TENM1: variants seen among roughly 807,000 people sequenced by gnomAD.
TENM1 encodes the protein teneurin-1.
In TENM1, 35 loss-of-function variants were observed where a neutral mutation model predicts 174.8. That is an observed-to-expected ratio of 0.20 (90% CI 0.15 to 0.27). TENM1 has a LOEUF of 0.27. TENM1 is among the 10% of genes least tolerant of loss of function. The pLI, the probability that TENM1 is intolerant of heterozygous loss-of-function variation, is 1.00. For missense variants in TENM1, 1,633 were observed against 2,130.1 expected, an observed-to-expected ratio of 0.77 and a Z score of 4.59; for synonymous variants, 781 against 798.7, an observed-to-expected ratio of 0.98 and a Z score of 0.37.
the TENM1 span, among the ~76,000 whole-genome samples, chrX:125,145,255 T>C: frequency 1.8e-5 from 2 of 111,967 alleles, no homozygotes; most frequent in Non-Finnish European, 3.8e-5. Flanking sequence ...ATTAGTGGGA[T>C]TGACTTGTAT....
the TENM1 span, among the ~76,000 whole-genome samples, chrX:125,041,566 G>C: frequency 1.8e-5 from 2 of 112,080 alleles, no homozygotes; most frequent in Admixed American, 9.5e-5. Context: ...ATTAAAAACT[G>C]TTCATGACCT....
At chrX:125,119,450 CT>C in the TENM1 span, among the ~76,000 whole-genome samples, 60 of 100,484 alleles carry the variant, frequency 6.0e-4, no homozygotes, top group South Asian at 1.3e-3. Flanking sequence ...TTATTTACTG[CT>C]TTTTTTTTTT....
At chrX:124,776,705 AG>A (rs1012769105) in intron 3 of TENM1, among the ~76,000 whole-genome samples, 5 of 111,640 alleles carry the variant, frequency 4.5e-5, no homozygotes, top group Non-Finnish European at 9.4e-5. Context: ...AAAGGCCAAA[AG>A]AAGTGGGAGA....
intron 11 of TENM1, among the ~76,000 whole-genome samples, chrX:124,611,439 C>T (rs2050274715): frequency 9.0e-6 from 1 of 111,436 alleles, no homozygotes; most frequent in Non-Finnish European, 1.9e-5. Flanking sequence ...ATCAGAACCC[C>T]ACTATATAAA....
chrX:124,705,019 C>T (rs145811406), exon 5 of TENM1: 9 of 1,199,004 alleles, frequency 7.5e-6, no homozygotes, highest in Non-Finnish European at 1.0e-5. Flanking sequence ...TTACCAATCA[C>T]ATAGGCTAGT....
At chrX:124,572,298 C>T (rs1602687052) in intron 11 of TENM1, among the ~76,000 whole-genome samples, 1 of 111,535 alleles carries the variant, frequency 9.0e-6, no homozygotes, top group Non-Finnish European at 1.9e-5. Flanking sequence ...CTGAATTATT[C>T]CATTTTACTT....
At chrX:125,092,825 G>A in the TENM1 span, among the ~76,000 whole-genome samples, 3 of 112,132 alleles carry the variant, frequency 2.7e-5, no homozygotes, top group East Asian at 8.4e-4. Context: ...AATGGTAAGC[G>A]TTTTCCAGTA....
intron 1 of TENM1, among the ~76,000 whole-genome samples, chrX:124,939,771 T>A (rs966633503): frequency 1.2e-4 from 14 of 112,020 alleles, no homozygotes; most frequent in African/African-American, 4.5e-4. Context: ...TCTGTCTGAA[T>A]AATATTCATC....
chrX:124,585,411 C>T (rs1261469115), intron 11 of TENM1, among the ~76,000 whole-genome samples: 1 of 111,164 alleles, frequency 9.0e-6, no homozygotes, highest in Admixed American at 9.5e-5. Flanking sequence ...TACATGGAAA[C>T]TGAACAACCT....
the TENM1 span, among the ~76,000 whole-genome samples, chrX:125,090,230 G>C: frequency 8.9e-6 from 1 of 111,855 alleles, no homozygotes; most frequent in African/African-American, 3.3e-5. Context: ...TCCACTGTAT[G>C]TCAGGCACTA....
At chrX:124,804,481 T>G (rs2147246644) in intron 3 of TENM1, among the ~76,000 whole-genome samples, 1 of 111,920 alleles carries the variant, frequency 8.9e-6, no homozygotes, top group African/African-American at 3.2e-5. Flanking sequence ...ATATGTTAAT[T>G]TCCTGGTTCT....
the TENM1 span, among the ~76,000 whole-genome samples, chrX:125,200,973 A>G: frequency 1.8e-5 from 2 of 111,997 alleles, no homozygotes; most frequent in Non-Finnish European, 1.9e-5. Context: ...ATAGAATATG[A>G]AAAATGTTTG....
In TENM1 at chrX:124,404,987, A is replaced by AC. The variant is rs199575689; in HGVS notation, c.5391+43_5391+44insG. On this transcript the variant is annotated intron_variant, in intron 27 of 31. Transcript: ENST00000422452. ...AACAAACAAACAAACAAACAAACAA[A>AC]ACACCTATAAAAGTTCTATATCTTG... The AC allele has an allele frequency of 6.4e-6, 7 of 1,085,819 alleles. No homozygotes were observed. In the East Asian group the frequency reaches 9.0e-5, roughly 14 times the overall value. The allele number at this position is 1,085,819 out of a possible 1,213,427, so 89.5% of individuals were successfully genotyped here.
chrX:125,002,597 A>G, the TENM1 span, among the ~76,000 whole-genome samples: 40 of 111,432 alleles, frequency 3.6e-4, no homozygotes, highest in East Asian at 9.9e-3. Context: ...AACCTGTCCT[A>G]GAATGACAGC....
At chrX:124,896,301 T>C in intron 1 of TENM1, 60 bp from the exon 5 acceptor site, 1 of 1,136,548 alleles carries the variant, frequency 8.8e-7, no homozygotes, top group East Asian at 3.0e-5. Flanking sequence ...CCCCAGAAAA[T>C]TCTACTTTTT....
intron 11 of TENM1, among the ~76,000 whole-genome samples, chrX:124,585,873 G>C (rs920954967): frequency 9.0e-6 from 1 of 110,885 alleles, no homozygotes; most frequent in African/African-American, 3.3e-5. Context: ...CGATCCCACA[G>C]AAATACAAAC....
the TENM1 span, among the ~76,000 whole-genome samples, chrX:125,095,979 A>C: frequency 8.9e-6 from 1 of 112,010 alleles, no homozygotes; most frequent in African/African-American, 3.2e-5. Context: ...TCTTCTGAAA[A>C]ATTTTTTACT....
intron 4 of TENM1, among the ~76,000 whole-genome samples, chrX:124,727,279 T>C (rs1434720164): frequency 8.9e-6 from 1 of 112,328 alleles, no homozygotes; most frequent in Non-Finnish European, 1.9e-5. Context: ...TTGAGTAAGA[T>C]TCATTTTGGT....
chrX:124,422,788 G>T, intron 23 of TENM1, 150 bp from the exon 27 acceptor site: 1 of 482,621 alleles, frequency 2.1e-6, no homozygotes, highest in Non-Finnish European at 3.5e-6. Context: ...GTGGAGGGCA[G>T]GGGGAGGATG....
Sources: gnomAD v4.1 joint callset for allele counts (sites outside exome capture counted in the v4.1 genomes callset) on GRCh38, gnomAD v4.1.1 for gene constraint, MANE v1.5 for transcripts, NCBI Gene and HGNC (gene_info 2026-07-23, HGNC 2026-07-21) for gene names.